The following SWAP70 variants were observed in gnomAD, a reference collection of about 807,000 sequenced individuals.
The protein encoded by SWAP70 is switch-associated protein 70.
A neutral mutation model predicts 80.2 loss-of-function variants in SWAP70; 34 were observed. That is an observed-to-expected ratio of 0.42 (90% CI 0.32 to 0.56). The LOEUF (loss-of-function observed/expected upper bound fraction) is 0.56. Ranked by LOEUF, SWAP70 falls within the 20% of genes least tolerant of loss-of-function variation. The pLI, the probability that SWAP70 is intolerant of heterozygous loss-of-function variation, is 0.09. For missense variants in SWAP70, 578 were observed against 690.7 expected, an observed-to-expected ratio of 0.84 and a Z score of 1.83; for synonymous variants, 239 against 238.5, an observed-to-expected ratio of 1.00 and a Z score of -0.02.
chr11:9,688,474 A>T (rs934576799), intron 1 of SWAP70, among the ~76,000 whole-genome samples: 5 of 152,172 alleles, frequency 3.3e-5, no homozygotes, highest in Non-Finnish European at 7.3e-5. Context: ...GATGTGGTAC[A>T]AGTTGCCTGG....
intron 2 of SWAP70, among the ~76,000 whole-genome samples, chr11:9,697,471 C>G (rs1850773652): frequency 1.3e-5 from 2 of 151,900 alleles, no homozygotes; most frequent in Admixed American, 1.3e-4. Context: ...TTAGTAGAGA[C>G]AGGGTTTCAC....
intron 9 of SWAP70, chr11:9,741,527 A>G (rs1021904603): frequency 2.0e-5 from 3 of 152,184 alleles, no homozygotes; most frequent in African/African-American, 7.2e-5. Flanking sequence ...CATGACACTC[A>G]ACATTTTTTG....
At chr11:9,665,843 TTTAAC>T (rs911868955) in intron 1 of SWAP70, among the ~76,000 whole-genome samples, 3 of 152,184 alleles carry the variant, frequency 2.0e-5, no homozygotes, top group Non-Finnish European at 4.4e-5. Flanking sequence ...TATTTTTACT[TTTAAC>T]TTACCTATGC....
intron 1 of SWAP70, among the ~76,000 whole-genome samples, chr11:9,667,407 T>C (rs907444689): frequency 6.6e-6 from 1 of 151,912 alleles, no homozygotes; most frequent in African/African-American, 2.4e-5. Context: ...TGAGCCACCA[T>C]GCTCAGTTCA....
rs1850477305 is a variant in SWAP70, at chr11:9,675,338, A to C, written c.99+11060A>C. Among the ~76,000 whole-genome samples, 10 of 68,176 alleles carry C rather than the reference A, an allele frequency of 1.5e-4. 3 individuals are homozygous for C. The highest frequency in any genetic ancestry group is 9.3e-4 in the South Asian group (1 of 1,070). The allele number at this position is 68,176 out of a possible 152,430, so 44.7% of individuals were successfully genotyped here. Reference sequence around the variant, plus strand: ...GAGGGAGCGAGAGAGAGAGAGAGAGAGAGGGAGCGAGAGAGAGAGAGAGAG... The same window carrying C: ...GAGGGAGCGAGAGAGAGAGAGAGAGCGAGGGAGCGAGAGAGAGAGAGAGAG... On this transcript the variant is annotated intron_variant, in intron 1 of 11. Coordinates refer to ENST00000318950, the MANE Select transcript of SWAP70 (RefSeq NM_015055.4).
intron 10 of SWAP70, 132 bp downstream of exon 10, chr11:9,748,188 G>C: frequency 1.1e-6 from 1 of 947,724 alleles, no homozygotes; most frequent in Middle Eastern, 2.5e-4. Flanking sequence ...AAAGAAAAAA[G>C]AGGGAGTTTT....
At chr11:9,748,628 C>T (rs898440581) in intron 10 of SWAP70, among the ~76,000 whole-genome samples, 4 of 152,194 alleles carry the variant, frequency 2.6e-5, no homozygotes, top group Admixed American at 2.0e-4. Context: ...TGAGTGGAAC[C>T]TAGAAGAAAA....
Position 9,740,305 on chromosome 11 carries a change from A to T in SWAP70, c.1313A>T (p.Gln438Leu). The part of the protein sequence containing the change: ...KLQEALEDER[Q>L]ARQDEETVRK... Reference sequence around the variant, plus strand: ...CAGGAGGCTCTTGAAGATGAGAGACAGGCCCGGCAAGATGAAGAGACAGTG... The same window carrying T: ...CAGGAGGCTCTTGAAGATGAGAGACTGGCCCGGCAAGATGAAGAGACAGTG... The change falls in exon 9 of 12, where the codon CAG becomes CTG. Residue 438 changes from glutamine to leucine, a missense_variant. By Grantham distance (113) the Gln-to-Leu change is moderately radical. Transcript: ENST00000318950. The T allele has an allele frequency of 1.9e-6, 3 of 1,614,240 alleles. No individual in the cohort carries two copies. The highest frequency in any genetic ancestry group is 2.5e-6 in the Non-Finnish European group (3 of 1,180,028).
At chr11:9,695,243 G>A (rs1337610521) in intron 2 of SWAP70, among the ~76,000 whole-genome samples, 3 of 151,530 alleles carry the variant, frequency 2.0e-5, no homozygotes, top group Non-Finnish European at 4.4e-5. Context: ...GCAGTGAGTC[G>A]AGATCACGCC....
chr11:9,672,193 G>GTATATATATATATATA (rs1427255406), intron 1 of SWAP70, among the ~76,000 whole-genome samples: 1 of 18,888 alleles, frequency 5.3e-5, no homozygotes, highest in South Asian at 2.3e-3. Context: ...ATATGTGTGT[G>GTATATATATATATATA]TCTATATATA....
chr11:9,715,761 C>T (rs191485875), intron 3 of SWAP70, among the ~76,000 whole-genome samples: 262 of 152,314 alleles, frequency 1.7e-3, no homozygotes, highest in African/African-American at 6.0e-3. Flanking sequence ...CAGTTACCTC[C>T]CACCAGGTCC....
At chr11:9,668,354 AT>A (rs1850334304) in intron 1 of SWAP70, among the ~76,000 whole-genome samples, 1 of 152,162 alleles carries the variant, frequency 6.6e-6, no homozygotes, top group Admixed American at 6.5e-5. Context: ...CAGTTCATAG[AT>A]TTCACCCACA....
At position 9,694,142 on chromosome 11, in the gene SWAP70, G is replaced by A; in HGVS notation, c.100-4G>A. 1 of 1,584,088 alleles carries A rather than the reference G, an allele frequency of 6.3e-7. No homozygotes were observed. Among genetic ancestry groups the A allele is most frequent in the Non-Finnish European group, 8.6e-7 (1 of 1,167,226 alleles). On this transcript the variant is annotated splice_polypyrimidine_tract_variant and splice_region_variant and intron_variant, in intron 1 of 11. Coordinates refer to ENST00000318950, the MANE Select transcript of SWAP70 (RefSeq NM_015055.4). ...TCTTTAAACGATTTTCTTTTCCCTT[G>A]CAGGTCCTTTCCCATAACCTGTGCA...
intron 1 of SWAP70, among the ~76,000 whole-genome samples, chr11:9,690,033 A>C (rs570552501): frequency 6.7e-4 from 102 of 152,252 alleles, no homozygotes; most frequent in Non-Finnish European, 1.1e-3. Flanking sequence ...CTTGGGTCTA[A>C]TCCCAGTTTT....
Position 9,736,783 on chromosome 11 carries a change from G to T in SWAP70, c.1081-1430G>T, listed in dbSNP as rs549231195. Among the ~76,000 whole-genome samples, 4 of 152,232 alleles carry T rather than the reference G, an allele frequency of 2.6e-5. No individual in the cohort carries two copies. The South Asian group carries it at 8.3e-4, about 32-fold the overall frequency. ...TTCTGTTGTTCTCCATAATGCCCTG[G>T]AACCTGAATTGCCTCACAGTCTGAG... is the stretch of plus-strand genomic sequence containing the variant. On this transcript the variant is annotated intron_variant, in intron 7 of 11. Transcript: ENST00000318950.
chr11:9,692,501 G>A (rs1011690379), intron 1 of SWAP70, among the ~76,000 whole-genome samples: 8 of 151,242 alleles, frequency 5.3e-5, no homozygotes, highest in Admixed American at 2.0e-4. Context: ...TTTCATATCC[G>A]TACATAGCAA....
chr11:9,673,276 T>C (rs888047702), intron 1 of SWAP70, among the ~76,000 whole-genome samples: 4 of 152,184 alleles, frequency 2.6e-5, no homozygotes, highest in African/African-American at 9.7e-5. Flanking sequence ...CTAGAGTGGC[T>C]CACAGAACTT....
chr11:9,737,266 G>A (rs961796425), intron 7 of SWAP70, among the ~76,000 whole-genome samples: 1 of 152,160 alleles, frequency 6.6e-6, no homozygotes, highest in Admixed American at 6.5e-5. Context: ...CTTGTTTGGG[G>A]TTCCATCTGC....
intron 1 of SWAP70, among the ~76,000 whole-genome samples, chr11:9,691,352 C>T (rs1230246449): frequency 6.6e-6 from 1 of 152,160 alleles, no homozygotes; most frequent in East Asian, 1.9e-4. Flanking sequence ...ACAAACAAGT[C>T]CAACTCTCAT....
Sources: gnomAD v4.1 joint callset for allele counts (sites outside exome capture counted in the v4.1 genomes callset) on GRCh38, gnomAD v4.1.1 for gene constraint, MANE v1.5 for transcripts, NCBI Gene and HGNC (gene_info 2026-07-23, HGNC 2026-07-21) for gene names.